The following SLC4A4 variants were observed in gnomAD, a reference collection of about 807,000 sequenced individuals.
The protein encoded by SLC4A4 is electrogenic sodium bicarbonate cotransporter 1.
A neutral mutation model predicts 111.5 loss-of-function variants in SLC4A4; 27 were observed. The ratio of observed to expected loss-of-function variants is 0.24; its 90% CI spans 0.18 to 0.33. The LOEUF is 0.33. SLC4A4 is among the 10% of genes least tolerant of loss of function. The pLI, the probability that SLC4A4 is intolerant of heterozygous loss-of-function variation, is 1.00. For synonymous variants in SLC4A4, 443 were observed against 463.4 expected, an observed-to-expected ratio of 0.96 and a Z score of 0.57; for missense variants, 909 against 1,315.5, an observed-to-expected ratio of 0.69 and a Z score of 4.78.
At position 71,387,084 on chromosome 4, in the gene SLC4A4, A is replaced by G. The variant is rs536625234; in HGVS notation, c.731-10493A>G. Among the ~76,000 whole-genome samples the G allele has an allele frequency of 5.3e-5, 8 of 152,256 alleles. No individual in the cohort carries two copies. The South Asian group carries it at 1.7e-3, about 32-fold the overall frequency. On this transcript the variant is annotated intron_variant, in intron 6 of 25. Coordinates refer to ENST00000264485, the MANE Select transcript of SLC4A4 (RefSeq NM_001098484.3). Reference sequence around the variant, plus strand: ...ATGGGGTAGTGTTATACTTTCTTGAATCCATCCCTTTCCTTGAATCCATCC... The same window carrying G: ...ATGGGGTAGTGTTATACTTTCTTGAGTCCATCCCTTTCCTTGAATCCATCC...
rs575934492 is a variant in SLC4A4, at chr4:71,111,201, C to T, written c.-2+18409C>T. The stretch of plus-strand genomic sequence containing the variant: ...GTCTAGGTTTTCATGCTGAAAATAT[C>T]CTGTGTCCTGGGGAAATCTCTCAGT... On this transcript the variant is annotated intron_variant, in intron 2 of 26. Transcript: ENST00000649996. Among the ~76,000 whole-genome samples, 46 of 152,218 alleles carry T rather than the reference C, an allele frequency of 3.0e-4. 1 individual carries two copies. The highest frequency in any genetic ancestry group is 1.1e-3 in the African/African-American group (45 of 41,526).
At chr4:71,183,658 C>G (rs977510754), upstream of SLC4A4, among the ~76,000 whole-genome samples, 1 of 152,160 alleles carries the variant, frequency 6.6e-6, no homozygotes, top group Admixed American at 6.5e-5. Flanking sequence ...ATTTCTTACT[C>G]TTACACAATG....
intron 3 of SLC4A4, 121 bp downstream of exon 3, chr4:71,255,520 C>A: frequency 9.6e-7 from 1 of 1,043,542 alleles, no homozygotes. Context: ...TGTTTAGAAT[C>A]TGTTCTAAAG....
chr4:71,187,488 T>G (rs1319939744), intron 1 of SLC4A4, 87 bp downstream of exon 1: 1 of 152,208 alleles, frequency 6.6e-6, no homozygotes, highest in Non-Finnish European at 1.5e-5. Flanking sequence ...GGGGGCCGAT[T>G]CCGTAGGGCG....
intron 1 of SLC4A4, among the ~76,000 whole-genome samples, chr4:71,219,391 T>C (rs1170896358): frequency 6.6e-6 from 1 of 152,224 alleles, no homozygotes; most frequent in Non-Finnish European, 1.5e-5. Flanking sequence ...TATAGCATGA[T>C]TTACTGAATA....
At chr4:71,195,755 A>G (rs865956441) in intron 1 of SLC4A4, among the ~76,000 whole-genome samples, 1 of 152,248 alleles carries the variant, frequency 6.6e-6, no homozygotes, top group East Asian at 1.9e-4. Flanking sequence ...AGGGTATACT[A>G]TGGATTTAGG....
intron 3 of SLC4A4, among the ~76,000 whole-genome samples, chr4:71,274,202 G>C (rs1284770610): frequency 6.6e-6 from 1 of 152,150 alleles, no homozygotes; most frequent in East Asian, 1.9e-4. Flanking sequence ...AATGAAGAAA[G>C]AATATATTTA....
chr4:71,118,860 C>G (rs934010265), intron 2 of SLC4A4, among the ~76,000 whole-genome samples: 1 of 151,958 alleles, frequency 6.6e-6, no homozygotes, highest in East Asian at 1.9e-4. Flanking sequence ...GGAAATAGAC[C>G]AGATATGGTT....
In SLC4A4 at chr4:71,548,488, CT is replaced by C. The variant is rs1308511041; in HGVS notation, c.2694+772del. Among the ~76,000 whole-genome samples, 13 of 151,824 alleles carry C rather than the reference CT, an allele frequency of 8.6e-5. No homozygotes were observed. In the East Asian group the frequency reaches 2.3e-3, roughly 27 times the overall value. On this transcript the variant is annotated intron_variant, in intron 20 of 25. Coordinates refer to ENST00000264485, the MANE Select transcript of SLC4A4 (RefSeq NM_001098484.3). ...ACCTCTTCATGAAGTTTCCAATTTTCTTTTATGATGCAAACATTTTATTTTT... is the reference window on the plus strand; with the variant it reads ...ACCTCTTCATGAAGTTTCCAATTTTCTTTATGATGCAAACATTTTATTTTT...
intron 2 of SLC4A4, among the ~76,000 whole-genome samples, chr4:71,154,840 G>T (rs1744415298): frequency 2.0e-5 from 3 of 151,972 alleles, no homozygotes; most frequent in Admixed American, 6.6e-5. Context: ...TATTTGTGAA[G>T]GAAAATTTGA....
In SLC4A4 at chr4:71,278,755, G is replaced by A. The variant is rs989484945; in HGVS notation, c.253+23356G>A. Among the ~76,000 whole-genome samples, 9 of 152,064 alleles carry A rather than the reference G, an allele frequency of 5.9e-5. No individual in the cohort carries two copies. The South Asian group carries it at 1.9e-3, about 31-fold the overall frequency. On this transcript the variant is annotated intron_variant, in intron 3 of 25. Transcript: ENST00000264485. The stretch of plus-strand genomic sequence containing the variant: ...ATTTATATGTCTTCTTTGGGAAAAT[G>A]TCTAATTAGGTCCTTTGTCCATTTA...
intron 7 of SLC4A4, among the ~76,000 whole-genome samples, chr4:71,400,529 A>G (rs1032218666): frequency 6.6e-6 from 1 of 152,332 alleles, no homozygotes; most frequent in African/African-American, 2.4e-5. Context: ...TTATAAGACC[A>G]ACTATTAATC....
At chr4:71,145,816 C>T (rs1011135558) in intron 2 of SLC4A4, among the ~76,000 whole-genome samples, 10 of 152,018 alleles carry the variant, frequency 6.6e-5, no homozygotes, top group African/African-American at 1.9e-4. Flanking sequence ...TTTTTTCTTG[C>T]GTCTATTTGA....
chr4:71,559,779 T>TA (rs1281334054), intron 22 of SLC4A4, among the ~76,000 whole-genome samples: 1 of 151,880 alleles, frequency 6.6e-6, no homozygotes, highest in Non-Finnish European at 1.5e-5. Flanking sequence ...TTATTTTATT[T>TA]AAAATCTCAC....
At chr4:71,208,538 A>G (rs1208746040) in intron 1 of SLC4A4, among the ~76,000 whole-genome samples, 1 of 151,700 alleles carries the variant, frequency 6.6e-6, no homozygotes, top group Non-Finnish European at 1.5e-5. Context: ...ATAATTGGAA[A>G]TAAAATGTGG....
At chr4:71,086,821 G>T (rs1480551934) in intron 1 of SLC4A4, among the ~76,000 whole-genome samples, 1 of 151,968 alleles carries the variant, frequency 6.6e-6, no homozygotes, top group African/African-American at 2.4e-5. Flanking sequence ...ATTTTATTGA[G>T]GATTTTTGCA....
chr4:71,134,986 T>C (rs1228766675), intron 2 of SLC4A4, among the ~76,000 whole-genome samples: 1 of 152,158 alleles, frequency 6.6e-6, no homozygotes, highest in Non-Finnish European at 1.5e-5. Context: ...GCATAAACCA[T>C]AGTTAGTGCT....
At chr4:71,513,789 G>A (rs1732138628) in intron 16 of SLC4A4, among the ~76,000 whole-genome samples, 1 of 152,070 alleles carries the variant, frequency 6.6e-6, no homozygotes, top group South Asian at 2.1e-4. Flanking sequence ...TTATTATTTT[G>A]AGGTAGGTAT....
intron 3 of SLC4A4, among the ~76,000 whole-genome samples, chr4:71,260,316 A>G (rs1721761733): frequency 6.6e-6 from 1 of 152,182 alleles, no homozygotes; most frequent in African/African-American, 2.4e-5. Context: ...ACTTCTTGGT[A>G]CATTTGTACT....
Sources: gnomAD v4.1 joint callset for allele counts (sites outside exome capture counted in the v4.1 genomes callset) on GRCh38, gnomAD v4.1.1 for gene constraint, MANE v1.5 for transcripts, NCBI Gene and HGNC (gene_info 2026-07-23, HGNC 2026-07-21) for gene names.